TM2D3: variants seen among roughly 807,000 people sequenced by gnomAD.
TM2D3 encodes the protein TM2 domain-containing protein 3.
TM2D3 carries 33 observed loss-of-function variants against 27.3 expected under a neutral mutation model. The ratio of observed to expected loss-of-function variants is 1.21; its 90% confidence interval spans 0.92 to 1.61. The LOEUF is 1.61. Among genes scored for constraint, TM2D3 ranks in the 40% most tolerant of loss-of-function variants. The pLI is 0.00. For missense variants in TM2D3, 364 were observed against 320.8 expected, an observed-to-expected ratio of 1.13 and a Z score of -1.03; for synonymous variants, 138 against 122.2, an observed-to-expected ratio of 1.13 and a Z score of -0.85.
In TM2D3 at chr15:101,645,003, G is replaced by C. The variant is rs1010425964; in HGVS notation, c.578+84C>G. ...TGGTAGGATCTGAGTGAAGAATGAA[G>C]GGGACTGAGCTCAATGTCTGAAGAT... On this transcript the variant is annotated intron_variant, in intron 5 of 5. Coordinates refer to ENST00000333202, the MANE Select transcript of TM2D3 (RefSeq NM_078474.3). 3 of 1,174,080 alleles carry C rather than the reference G, an allele frequency of 2.6e-6. No individual in the cohort carries two copies. The African/African-American group carries it at 4.6e-5, about 18-fold the overall frequency. 72.7% of individuals were successfully genotyped at this position (1,174,080 alleles called of 1,614,324 possible). A position where few individuals can be genotyped will look rare whatever the true frequency, so the allele number is the denominator to read the frequency against.
chr15:101,638,005 T>A (rs1377184364), downstream of TM2D3, among the ~76,000 whole-genome samples: 1 of 152,216 alleles, frequency 6.6e-6, no homozygotes, highest in Non-Finnish European at 1.5e-5. Context: ...TTTGCTAGAA[T>A]ATCTGGTCTC....
At chr15:101,637,025 G>T (rs1006811187), downstream of TM2D3, 15 of 253,788 alleles carry the variant, frequency 5.9e-5, no homozygotes, top group African/African-American at 9.2e-5. Flanking sequence ...GGTGTGGTCC[G>T]GCTACAGCTT....
chr15:101,639,952 C>G (rs559652739), downstream of TM2D3, among the ~76,000 whole-genome samples: 1 of 152,162 alleles, frequency 6.6e-6, no homozygotes, highest in South Asian at 2.1e-4. Flanking sequence ...TGAGGCATTA[C>G]TGGGGTAAAT....
intron 5 of TM2D3, 141 bp downstream of exon 5, chr15:101,644,945 CT>C (rs1478477969): frequency 4.0e-6 from 3 of 757,530 alleles, no homozygotes; most frequent in Non-Finnish European, 2.2e-6. Flanking sequence ...ATCATCTAAA[CT>C]CTTCCAGCTG....
rs765555994 is a variant in TM2D3 at position 101,650,057 on chromosome 15, A to G, written c.274T>C (p.Tyr92His). Residue 92 changes from tyrosine (Y) to histidine (H), a missense_variant, in exon 3 of 6, where the codon TAT (tyrosine) becomes CAT (histidine). By Grantham distance (83) the Tyr-to-His change is moderately conservative. Coordinates refer to ENST00000333202, the MANE Select transcript of TM2D3 (RefSeq NM_078474.3). ...IDCTTNFSCT[Y>H]GKPVTFDCAV... ...CAGTCAAAAGTGACAGGCTTCCCATAGGTACAGGAGAAATTTGTTGTGCAG... is the reference window on the plus strand; with the variant it reads ...CAGTCAAAAGTGACAGGCTTCCCATGGGTACAGGAGAAATTTGTTGTGCAG... 2.5e-6 allele frequency: 4 copies of G among 1,614,176 alleles called. No homozygotes were observed. The highest frequency in any genetic ancestry group is 3.4e-6 in the Non-Finnish European group (4 of 1,180,020).
rs200393357 is a variant in TM2D3 at position 101,633,866 on chromosome 15, C to T, written c.501-138G>A. The T allele has an allele frequency of 9.7e-5, 64 of 659,482 alleles. 1 individual carries two copies. The East Asian group carries it at 1.1e-3, about 12-fold the overall frequency. 40.9% of individuals were successfully genotyped at this position (659,482 alleles called of 1,614,324 possible). On this transcript the variant is annotated intron_variant, in intron 4 of 4. Transcript: ENST00000428002. ...CACAACTTGATTGAGAAGAGATGAT[C>T]AAAAGGTGCCAGCGTTGAGAAGACT...
At chr15:101,637,845 C>T (rs761460523), downstream of TM2D3, among the ~76,000 whole-genome samples, 2 of 152,090 alleles carry the variant, frequency 1.3e-5, no homozygotes, top group Non-Finnish European at 2.9e-5. Context: ...TCATTTTGTT[C>T]TCATGTAAAA....
intron 4 of TM2D3, chr15:101,646,456 A>T: frequency 4.2e-6 from 1 of 240,868 alleles, no homozygotes; most frequent in Non-Finnish European, 8.6e-6. Context: ...TTTCATTGTT[A>T]TTTTGGGTAA....
At chr15:101,637,179 T>TGA (rs1896569680), downstream of TM2D3, among the ~76,000 whole-genome samples, 1 of 152,176 alleles carries the variant, frequency 6.6e-6, no homozygotes, top group Non-Finnish European at 1.5e-5. Flanking sequence ...GGCAATTGGT[T>TGA]GAAAGTGTTA....
At position 101,651,727 on chromosome 15, in the gene TM2D3, T is replaced by G. The variant is rs1896976280; in HGVS notation, c.138A>C (p.Thr46=). The G allele has an allele frequency of 6.2e-7, 1 of 1,614,106 alleles. No homozygotes were observed. The part of the protein sequence containing the change: ...LAQSIKDPGP[T]RTFTVVPRAA... ...CCCTGGGAACTACTGTGAATGTGCG[T>G]GTTGGGCCCGGATCCTTTATTGACT... is the stretch of plus-strand genomic sequence containing the variant. Residue 46 remains threonine (T), a synonymous_variant, in exon 2 of 6, where the codon ACA becomes ACC. Transcript: ENST00000333202.
At chr15:101,650,271 GA>G in intron 2 of TM2D3, 110 bp from the exon 3 acceptor site, 5 of 1,105,970 alleles carry the variant, frequency 4.5e-6, no homozygotes, top group Non-Finnish European at 3.8e-6. Flanking sequence ...CACTGCACTG[GA>G]AGGGAAGAAG....
intron 3 of TM2D3, 135 bp from the exon 4 acceptor site, chr15:101,647,034 A>C: frequency 1.2e-6 from 1 of 825,150 alleles, no homozygotes; most frequent in Non-Finnish European, 1.9e-6. Context: ...TGCCAGAAAA[A>C]CAGTTACCAA....
At chr15:101,639,015 G>C (rs772568645), downstream of TM2D3, among the ~76,000 whole-genome samples, 1 of 152,160 alleles carries the variant, frequency 6.6e-6, no homozygotes, top group African/African-American at 2.4e-5. Flanking sequence ...CCCTGCCTTC[G>C]TGGAGCCTTA....
At chr15:101,648,591 G>GT (rs1344936426) in intron 3 of TM2D3, among the ~76,000 whole-genome samples, 4 of 152,308 alleles carry the variant, frequency 2.6e-5, no homozygotes, top group African/African-American at 9.6e-5. Context: ...CCCAGGCCAA[G>GT]TACGCTCTGT....
downstream of TM2D3, among the ~76,000 whole-genome samples, chr15:101,639,908 A>G (rs138633636): frequency 1.9e-3 from 282 of 152,288 alleles, 1 homozygote; most frequent in African/African-American, 6.5e-3. Flanking sequence ...GGGACAATGG[A>G]GGGGGTAGAC....
Position 101,649,092 on chromosome 15 carries a change from G to T in TM2D3, c.327+912C>A, listed in dbSNP as rs544991248. On this transcript the variant is annotated intron_variant, in intron 3 of 5. Transcript: ENST00000333202. ...TAAAAATGTATTAATTAAATACTAT[G>T]AGAAAACTTATATGTTTTTCATGTT... Among the ~76,000 whole-genome samples, 573 of 152,198 alleles carry T rather than the reference G, an allele frequency of 3.8e-3. 5 individuals are homozygous for T. Among genetic ancestry groups the T allele is most frequent in the African/African-American group, 0.013 (534 of 41,530 alleles).
At chr15:101,636,664 C>T (rs903216563) in intron 4 of TM2D3, 8 of 181,430 alleles carry the variant, frequency 4.4e-5, no homozygotes, top group African/African-American at 1.9e-4. Context: ...CAACATATCT[C>T]CACTTCTCTT....
Position 101,651,767 on chromosome 15 carries a change from G to A in TM2D3, c.98C>T (p.Ser33Leu), listed in dbSNP as rs748516940. The A allele has an allele frequency of 3.1e-6, 5 of 1,614,142 alleles. No homozygotes were observed. The highest frequency in any genetic ancestry group is 4.2e-6 in the Non-Finnish European group (5 of 1,180,004). Residue 33 changes from serine to leucine, a missense_variant, in exon 2 of 6, where the codon TCG (serine) becomes TTG (leucine). Transcript: ENST00000333202. ...QFCILSGGEQ[S>L]QALAQSIKDP... The stretch of plus-strand genomic sequence containing the variant: ...CTTTATTGACTGAGCCAGCGCCTGC[G>A]ATTGCTCTAAATTTAAGGATCGTAC...
chr15:101,636,938 T>C (rs1896563972), downstream of TM2D3: 2 of 433,974 alleles, frequency 4.6e-6, no homozygotes, highest in African/African-American at 4.1e-5. Context: ...TCCAACTCTG[T>C]AAAATATTTG....
Sources: gnomAD v4.1 joint callset for allele counts (sites outside exome capture counted in the v4.1 genomes callset) on GRCh38, gnomAD v4.1.1 for gene constraint, MANE v1.5 for transcripts, NCBI Gene and HGNC (gene_info 2026-07-23, HGNC 2026-07-21) for gene names.